The following ECHDC2 variants were observed in gnomAD, a reference collection of about 807,000 sequenced individuals.
ECHDC2 encodes the protein enoyl-CoA hydratase domain-containing protein 2, mitochondrial.
ECHDC2 carries 34 observed loss-of-function variants against 40.6 expected under a neutral mutation model. The observed-to-expected ratio is 0.84, with a 90% CI of 0.64 to 1.11. The LOEUF is 1.11. ECHDC2 is among the 50% of genes most tolerant of loss of function. The pLI, the probability that ECHDC2 is intolerant of heterozygous loss-of-function variation, is 0.00. For missense variants in ECHDC2, 392 were observed against 400.7 expected (o/e 0.98, Z 0.19); for synonymous variants, 162 against 166.6 (o/e 0.97, Z 0.21).
At chr1:52,911,852 C>A in intron 1 of ECHDC2, 62 bp from the exon 2 acceptor site, 1 of 1,594,510 alleles carries the variant, frequency 6.3e-7, no homozygotes, top group African/African-American at 1.3e-5. Flanking sequence ...GGGCTGCGGG[C>A]TGGGGACTGG....
rs555924968 is a variant in ECHDC2 at position 52,901,882 on chromosome 1, T to C, written c.703-2658A>G. ...ACCCTATAGTCTACAGGTCTAGATATGAAAGCTGCAATCAGCCACTCCATT... is the reference window on the plus strand; with the variant it reads ...ACCCTATAGTCTACAGGTCTAGATACGAAAGCTGCAATCAGCCACTCCATT... On this transcript the variant is annotated intron_variant, in intron 7 of 9. Transcript: ENST00000371522. 3.3e-5 allele frequency: 5 copies of C among 152,348 alleles called. 1 individual carries two copies. The highest frequency in any genetic ancestry group is 1.2e-4 in the African/African-American group (5 of 41,588). 9.4% of individuals were successfully genotyped at this position (152,348 alleles called of 1,614,324 possible).
Position 52,911,458 on chromosome 1 carries a change from A to T in ECHDC2, c.277+108T>A, listed in dbSNP as rs1649468257. ...TGAGTCTCTGCATTCACATCGGTAA[A>T]ATGGCAACAATGAGTCCCATGCTGA... On this transcript the variant is annotated intron_variant, in intron 3 of 9. Transcript: ENST00000371522. 10 of 1,077,714 alleles carry T rather than the reference A, an allele frequency of 9.3e-6. No individual in the cohort carries two copies. In the South Asian group the frequency reaches 9.6e-5, roughly 10 times the overall value. 66.8% of individuals were successfully genotyped at this position (1,077,714 alleles called of 1,614,324 possible).
chr1:52,899,089 G>A, intron 8 of ECHDC2, 85 bp downstream of exon 8: 1 of 1,400,002 alleles, frequency 7.1e-7, no homozygotes, highest in Non-Finnish European at 1.0e-6. Context: ...GTTTTTCCCA[G>A]CTGTGCTGTC....
At chr1:52,910,384 T>TTTTTTTC in intron 3 of ECHDC2, among the ~76,000 whole-genome samples, 1 of 110,828 alleles carries the variant, frequency 9.0e-6, no homozygotes, top group Non-Finnish European at 1.9e-5. Context: ...TTTTTTTTTT[T>TTTTTTTC]TTGAGATGGA....
intron 3 of ECHDC2, among the ~76,000 whole-genome samples, chr1:52,911,009 G>T (rs1027383913): frequency 4.6e-5 from 7 of 152,124 alleles, no homozygotes; most frequent in Admixed American, 6.5e-5. Context: ...TCCGAGAGGG[G>T]CAGGAACTAG....
rs1164089597 is a variant in ECHDC2, at chr1:52,904,658, C to T, written c.690G>A (p.Glu230=). 1 of 1,598,950 alleles carries T rather than the reference C, an allele frequency of 6.3e-7. No individual in the cohort carries two copies. Among genetic ancestry groups the T allele is most frequent in the Admixed American group, 1.7e-5 (1 of 59,222 alleles). The change falls in exon 7 of 10, where the codon GAG becomes GAA. Residue 230 remains glutamate (E), a synonymous_variant. Transcript: ENST00000371522. ...GCTGTCACCACACCTGGGGCAGGAT[C>T]TCCTGGGCCAGTGCTCGTGCCCGCT... The part of the protein sequence containing the change: ...AYQRARALAQ[E]ILPQAPIAVR...
At chr1:52,900,496 TAGAAAC>T (rs1646921292) in intron 7 of ECHDC2, 1 of 152,248 alleles carries the variant, frequency 6.6e-6, no homozygotes, top group Admixed American at 6.5e-5. Context: ...TAAAATTTGT[TAGAAAC>T]AGATTAGCCT....
intron 1 of ECHDC2, 79 bp from the exon 2 acceptor site, chr1:52,911,869 G>C: frequency 6.4e-7 from 1 of 1,572,570 alleles, no homozygotes; most frequent in East Asian, 2.3e-5. Flanking sequence ...CTGGAGGCAG[G>C]AGGCCTGGGA....
intron 7 of ECHDC2, chr1:52,899,555 T>A: frequency 3.3e-6 from 1 of 305,436 alleles, no homozygotes; most frequent in Non-Finnish European, 6.1e-6. Flanking sequence ...GCTGGTGTCA[T>A]CACTGATGAC....
intron 7 of ECHDC2, chr1:52,900,634 GTGA>G (rs1646930794): frequency 6.6e-6 from 1 of 152,186 alleles, no homozygotes; most frequent in African/African-American, 2.4e-5. Flanking sequence ...GGAAACAATA[GTGA>G]TGATCTGGGG....
intron 7 of ECHDC2, among the ~76,000 whole-genome samples, chr1:52,904,228 C>T (rs1221601530): frequency 6.6e-6 from 1 of 152,124 alleles, no homozygotes; most frequent in Non-Finnish European, 1.5e-5. Flanking sequence ...GATTTTAAGG[C>T]TGTGCTATAT....
chr1:52,911,907 A>G, intron 1 of ECHDC2, 117 bp from the exon 2 acceptor site: 1 of 1,508,868 alleles, frequency 6.6e-7, no homozygotes, highest in Non-Finnish European at 8.9e-7. Context: ...CTAGATGACC[A>G]GAGTGACTTG....
At chr1:52,906,102 T>G (rs1191991841) in intron 5 of ECHDC2, 1 of 350,844 alleles carries the variant, frequency 2.9e-6, no homozygotes, top group African/African-American at 2.1e-5. Context: ...CAAATTTGGC[T>G]GGTGCCAGTA....
intron 1 of ECHDC2, chr1:52,915,091 G>C (rs1358806370): frequency 2.5e-6 from 1 of 396,520 alleles, no homozygotes; most frequent in East Asian, 7.2e-5. Flanking sequence ...TCTAGTCAGG[G>C]TGTGGGGAAG....
rs755901852 is a variant in ECHDC2, at chr1:52,907,868, C to T, written c.364G>A (p.Ala122Thr). ...CTCCACCCCACACCCAGATCCTCAC[C>T]GATGTCATTCATCAGGCCCCGGAGT... ...QRLRGLMNDI[A>T]AFPAPTIAAM... Residue 122 changes from alanine (A) to threonine (T), a missense_variant and splice_region_variant, in exon 4 of 10, where the codon GCA becomes ACA. Transcript: ENST00000371522. 3.8e-5 allele frequency: 61 copies of T among 1,613,184 alleles called. No homozygotes were observed. In the South Asian group the frequency reaches 5.3e-4, roughly 14 times the overall value.
chr1:52,921,337 G>A (rs1651839862), intron 1 of ECHDC2: 4 of 1,147,650 alleles, frequency 3.5e-6, no homozygotes, highest in Admixed American at 7.0e-5. Context: ...TGAAGAGACC[G>A]AGGTTGCCAG....
At chr1:52,921,081 A>C (rs147988536) in intron 1 of ECHDC2, among the ~76,000 whole-genome samples, 1,525 of 152,344 alleles carry the variant, frequency 0.01, 16 homozygotes, top group Non-Finnish European at 0.015. Context: ...AGCCAGAAGG[A>C]CGCAAAGGTT....
intron 7 of ECHDC2, among the ~76,000 whole-genome samples, chr1:52,903,632 G>A (rs940498120): frequency 1.3e-5 from 2 of 151,792 alleles, no homozygotes; most frequent in Non-Finnish European, 2.9e-5. Context: ...CGTCACGGTG[G>A]TTCATGCTTG....
rs1649533996 is a variant in ECHDC2, at chr1:52,911,647, C to G, written c.196G>C (p.Glu66Gln). 1 of 1,614,210 alleles carries G rather than the reference C, an allele frequency of 6.2e-7. No individual in the cohort carries two copies. The highest frequency in any genetic ancestry group is 8.5e-7 in the Non-Finnish European group (1 of 1,180,032). Residue 66 changes from glutamate to glutamine, a missense_variant, in exon 3 of 10, where the codon GAA becomes CAA. Glu to Gln is a conservative substitution (Grantham distance 29). Transcript: ENST00000371522. ...TCCTCCCGCAGCTGGGCCAGAGTTT[C>G]CAGCAGCTACAGAGGACACCCAGTT... ...LGNVFVSELL[E>Q]TLAQLREDRQ...
Sources: gnomAD v4.1 joint callset for allele counts (sites outside exome capture counted in the v4.1 genomes callset) on GRCh38, gnomAD v4.1.1 for gene constraint, MANE v1.5 for transcripts, NCBI Gene and HGNC (gene_info 2026-07-23, HGNC 2026-07-21) for gene names.